Variants in DROSHA observed in about 807,000 individuals in gnomAD.
DROSHA encodes the protein ribonuclease 3.
DROSHA carries 56 observed loss-of-function variants against 181.9 expected under a neutral mutation model. The observed-to-expected ratio is 0.31, with a 90% CI of 0.25 to 0.38. The LOEUF (loss-of-function observed/expected upper bound fraction) is 0.38, where lower values mean the gene tolerates loss of function less well. Ranked by LOEUF, DROSHA falls within the 10% of genes least tolerant of loss-of-function variation. The pLI is 1.00. For missense variants in DROSHA, 1,218 were observed against 1,743.5 expected (o/e 0.70, Z 5.37); for synonymous variants, 524 against 591.2 (o/e 0.89, Z 1.65).
At chr5:31,499,629 C>T (rs1463442440) in intron 11 of DROSHA, among the ~76,000 whole-genome samples, 1 of 152,210 alleles carries the variant, frequency 6.6e-6, no homozygotes, top group Non-Finnish European at 1.5e-5. Context: ...TGTCGCTAAG[C>T]ACCAGTGATG....
chr5:31,435,992 A>T (rs1344006998), intron 24 of DROSHA, 128 bp from the exon 25 acceptor site: 3 of 781,768 alleles, frequency 3.8e-6, no homozygotes, highest in Non-Finnish European at 6.0e-6. Flanking sequence ...AAACTAAAGG[A>T]TCTGATTAAA....
chr5:31,438,300 A>G (rs1745137328), intron 23 of DROSHA, among the ~76,000 whole-genome samples: 1 of 152,158 alleles, frequency 6.6e-6, no homozygotes, highest in African/African-American at 2.4e-5. Flanking sequence ...CACTGAGTGC[A>G]GGACAGAGAA....
chr5:31,515,107 CT>C lies in DROSHA; in HGVS notation c.1170del (p.Glu391SerfsTer87). 1 of 1,613,972 alleles carries C rather than the reference CT, an allele frequency of 6.2e-7. No homozygotes were observed. Among genetic ancestry groups the C allele is most frequent in the Non-Finnish European group, 8.5e-7 (1 of 1,179,874 alleles). ...TTGTCAGGCATGGTCTCCTCGGGCT[CT>C]TTTTCCTTGATTGAGGTATAGTTCT... Reference protein sequence around the residue: ...KDKNYTSIKEKEPEETMPDKN... With the variant: ...KDKNYTSIKEXEPEETMPDKN... On this transcript the variant is annotated frameshift_variant, in exon 8 of 36. Transcript: ENST00000344624. LOFTEE classifies it high-confidence loss of function.
chr5:31,514,297 C>T lies in DROSHA; in HGVS notation c.1290+691G>A, dbSNP rs1437451460. Among the ~76,000 whole-genome samples the T allele has an allele frequency of 1.3e-5, 2 of 151,696 alleles. No homozygotes were observed. The highest frequency in any genetic ancestry group is 2.9e-5 in the Non-Finnish European group (2 of 67,928). Reference sequence around the variant, plus strand: ...CACTACAAACTGCATAAACTAGTTACATGTGAAAGCTTATGAAACCACCAG... The same window carrying T: ...CACTACAAACTGCATAAACTAGTTATATGTGAAAGCTTATGAAACCACCAG... On this transcript the variant is annotated intron_variant, in intron 8 of 35. Coordinates refer to ENST00000344624, the MANE Select transcript of DROSHA (RefSeq NM_001382508.1). This position sits in a 1 kb window ranked among gnomAD's most constrained non-coding sequence, Gnocchi z 4.4.
rs1192728997 is a variant in DROSHA at position 31,422,097 on chromosome 5, A to AAAAAG, written c.3419+689_3419+690insCTTTT. On this transcript the variant is annotated intron_variant, in intron 29 of 35. Transcript: ENST00000344624. ...ACAGAGTGAGATCTGTCAGAAAAAA[A>AAAAAG]AAAGAAAGAAAGAAAGAAAAAGAAA... is the stretch of plus-strand genomic sequence containing the variant. 2.7e-5 allele frequency among the ~76,000 whole-genome samples: 4 copies of AAAAAG among 150,004 alleles called. No homozygotes were observed. The East Asian group carries it at 7.9e-4, about 30-fold the overall frequency.
intron 6 of DROSHA, among the ~76,000 whole-genome samples, chr5:31,520,133 T>C (rs963815387): frequency 6.6e-6 from 1 of 152,192 alleles, no homozygotes; most frequent in Admixed American, 6.5e-5. Flanking sequence ...TTTCGAGTTA[T>C]TGACCTATTA....
intron 16 of DROSHA, among the ~76,000 whole-genome samples, chr5:31,479,329 A>C (rs549439799): frequency 6.6e-6 from 1 of 152,362 alleles, no homozygotes; most frequent in South Asian, 2.1e-4. Flanking sequence ...ACATACACAC[A>C]GAGTCAACTC....
At chr5:31,440,777 A>C (rs984183939) in intron 23 of DROSHA, among the ~76,000 whole-genome samples, 9 of 152,204 alleles carry the variant, frequency 5.9e-5, no homozygotes, top group Non-Finnish European at 2.9e-5. Flanking sequence ...TGTCTATACA[A>C]AAGTATTAAT....
chr5:31,457,957 T>C (rs1747867220), intron 20 of DROSHA, among the ~76,000 whole-genome samples: 1 of 152,186 alleles, frequency 6.6e-6, no homozygotes, highest in South Asian at 2.1e-4. Context: ...AAATGAATTC[T>C]GTGTATCCAG....
intron 19 of DROSHA, among the ~76,000 whole-genome samples, chr5:31,464,888 T>C (rs1015860020): frequency 3.3e-5 from 5 of 152,096 alleles, no homozygotes; most frequent in African/African-American, 9.7e-5. Context: ...CTTCAAATAA[T>C]TGTAAAAATA....
At chr5:31,454,978 C>T (rs1045578321) in intron 20 of DROSHA, among the ~76,000 whole-genome samples, 4 of 147,972 alleles carry the variant, frequency 2.7e-5, no homozygotes, top group Admixed American at 2.7e-4. Flanking sequence ...AGAAACATAC[C>T]AATAACCTTC....
At chr5:31,510,645 G>A (rs541885301) in intron 9 of DROSHA, among the ~76,000 whole-genome samples, 1 of 152,308 alleles carries the variant, frequency 6.6e-6, no homozygotes, top group Non-Finnish European at 1.5e-5. Context: ...AAACAGAGCT[G>A]GGGTACAGTC....
intron 17 of DROSHA, among the ~76,000 whole-genome samples, chr5:31,469,527 G>A (rs987523244): frequency 6.6e-6 from 1 of 152,142 alleles, no homozygotes; most frequent in Non-Finnish European, 1.5e-5. Flanking sequence ...CCCATCAACA[G>A]TAGCAACGTG....
intron 11 of DROSHA, among the ~76,000 whole-genome samples, chr5:31,501,188 T>C (rs1240308074): frequency 6.6e-6 from 1 of 152,074 alleles, no homozygotes; most frequent in African/African-American, 2.4e-5. Flanking sequence ...AGATGCAGTA[T>C]CTGAATCATC....
At chr5:31,485,408 A>T (rs376790194) in intron 14 of DROSHA, among the ~76,000 whole-genome samples, 3 of 151,590 alleles carry the variant, frequency 2.0e-5, no homozygotes, top group African/African-American at 7.3e-5. Context: ...AAGTTCAAAA[A>T]GTAATGAATG....
intron 25 of DROSHA, among the ~76,000 whole-genome samples, chr5:31,433,679 G>A (rs1744461792): frequency 6.6e-6 from 1 of 152,062 alleles, no homozygotes; most frequent in African/African-American, 2.4e-5. Context: ...CGAGTAGCCG[G>A]GACTACAGGC....
chr5:31,514,184 G>A lies in DROSHA; in HGVS notation c.1290+804C>T, dbSNP rs540248694. On this transcript the variant is annotated intron_variant, in intron 8 of 35. Transcript: ENST00000344624. This position sits in a 1 kb window ranked among gnomAD's most constrained non-coding sequence, Gnocchi z 4.4. ...GCTCTTTTGGTCAAGGATACACTTC[G>A]AAGAGACAAACTCAAATTCTTCCTT... Among the ~76,000 whole-genome samples, 1 of 151,696 alleles carries A rather than the reference G, an allele frequency of 6.6e-6. No individual in the cohort carries two copies. Among genetic ancestry groups the A allele is most frequent in the African/African-American group, 2.4e-5 (1 of 41,308 alleles).
chr5:31,528,690 G>C (rs1399310694), intron 4 of DROSHA, among the ~76,000 whole-genome samples: 1 of 152,082 alleles, frequency 6.6e-6, no homozygotes, highest in East Asian at 1.9e-4. Flanking sequence ...ACTGACCCTA[G>C]GGCTTTGTTA....
intron 1 of DROSHA, among the ~76,000 whole-genome samples, 163 bp from the exon 2 acceptor site, chr5:31,531,688 A>C (rs1434873019): frequency 6.6e-6 from 1 of 152,134 alleles, no homozygotes; most frequent in Non-Finnish European, 1.5e-5. Flanking sequence ...CTCCCGCCAG[A>C]CGGTACGCCC....
Sources: allele counts gnomAD v4.1 joint callset (sites outside exome capture counted in the v4.1 genomes callset), GRCh38; gene constraint gnomAD v4.1.1; non-coding constraint Gnocchi (gnomAD v3.1); transcripts MANE v1.5; gene names NCBI Gene and HGNC (gene_info 2026-07-23, HGNC 2026-07-21).